MAP1S: variants seen among roughly 807,000 people sequenced by gnomAD.
The protein encoded by MAP1S is microtubule associated protein 1S.
In MAP1S, 27 loss-of-function variants were observed where a neutral mutation model predicts 60.9. That is an observed-to-expected ratio of 0.44 (90% confidence interval 0.33 to 0.61). The LOEUF (loss-of-function observed/expected upper bound fraction) is 0.61, where lower values mean the gene tolerates loss of function less well. MAP1S is among the 20% of genes least tolerant of loss of function. The pLI is 0.03. For missense variants in MAP1S, 1,608 were observed against 1,486.6 expected (o/e 1.08, Z -1.34); for synonymous variants, 826 against 694.2 (o/e 1.19, Z -2.98).
chr19:17,720,878 T>C lies in MAP1S; in HGVS notation c.119-58T>C, dbSNP rs112128027. ...ACCCACGGGGTGCTAATTATTGAAA[T>C]ATTCTGGGAGCTGGGGGGCCCGGCT... On this transcript the variant is annotated intron_variant, in intron 1 of 6. Coordinates refer to ENST00000324096, the MANE Select transcript of MAP1S (RefSeq NM_018174.6). 5.2e-6 allele frequency: 7 copies of C among 1,337,062 alleles called. No individual in the cohort carries two copies. The African/African-American group carries it at 5.8e-5, about 11-fold the overall frequency. The allele number at this position is 1,337,062 out of a possible 1,614,324, so 82.8% of individuals were successfully genotyped here. A position where few individuals can be genotyped will look rare whatever the true frequency, so the allele number is the denominator to read the frequency against.
In MAP1S at chr19:17,726,943, A is replaced by G; in HGVS notation, c.1559A>G (p.Lys520Arg). 1.3e-6 allele frequency: 2 copies of G among 1,572,346 alleles called. No individual in the cohort carries two copies. The highest frequency in any genetic ancestry group is 1.7e-6 in the Non-Finnish European group (2 of 1,159,580). ...CCACGCAAGACTGAGAAAGAAGCCA[A>G]GACCCCCCGGGAGTTGAAGAAAGAC... is the stretch of plus-strand genomic sequence containing the variant. ...EAPRKTEKEA[K>R]TPRELKKDPK... Residue 520 changes from lysine (K) to arginine (R), a missense_variant, in exon 5 of 7, where the codon AAG becomes AGG. Lys to Arg is a conservative substitution (Grantham distance 26). Coordinates refer to ENST00000324096, the MANE Select transcript of MAP1S (RefSeq NM_018174.6).
chr19:17,723,223 C>T (rs2080386930), intron 2 of MAP1S, among the ~76,000 whole-genome samples: 1 of 152,196 alleles, frequency 6.6e-6, no homozygotes. Flanking sequence ...CTCATTGGCC[C>T]TCCTCGAGCT....
Position 17,724,908 on chromosome 19 carries a change from G to T in MAP1S, c.304-141G>T, listed in dbSNP as rs551464513. On this transcript the variant is annotated intron_variant, in intron 3 of 6. Transcript: ENST00000324096. ...AGCAGGAGACCTGGAGACTGCCTTCGTAGCTAGTTGAGCACTGGGCTGGTC... is the reference window on the plus strand; with the variant it reads ...AGCAGGAGACCTGGAGACTGCCTTCTTAGCTAGTTGAGCACTGGGCTGGTC... 1.2e-4 allele frequency: 125 copies of T among 1,016,820 alleles called. 1 individual carries two copies. The highest frequency in any genetic ancestry group is 9.8e-4 in the South Asian group (70 of 71,740). The allele number at this position is 1,016,820 out of a possible 1,614,324, so 63.0% of individuals were successfully genotyped here. A position where few individuals can be genotyped will look rare whatever the true frequency, so the allele number is the denominator to read the frequency against.
chr19:17,726,401 C>T lies in MAP1S; in HGVS notation c.1017C>T (p.Phe339=), dbSNP rs971274053. The change falls in exon 5 of 7, where the codon TTC becomes TTT. Residue 339 remains phenylalanine (F), a synonymous_variant. Transcript: ENST00000324096. ...CCCCCAACCTGGGGGTCGTGTTCTT[C>T]AACGCCTGCGAGGCCGCGTCGCGGC... is the stretch of plus-strand genomic sequence containing the variant. ...LISPNLGVVF[F]NACEAASRLA... is the part of the protein sequence containing the mutation. 1.9e-6 allele frequency: 3 copies of T among 1,583,752 alleles called. No homozygotes were observed. The highest frequency in any genetic ancestry group is 2.7e-5 in the African/African-American group (2 of 74,738).
At chr19:17,721,734 C>G (rs1046549180) in intron 2 of MAP1S, among the ~76,000 whole-genome samples, 1 of 152,132 alleles carries the variant, frequency 6.6e-6, no homozygotes, top group Non-Finnish European at 1.5e-5. Context: ...TGAGCAGGCC[C>G]TGGAAGATGG....
intron 1 of MAP1S, chr19:17,720,449 C>T (rs973925977): frequency 5.9e-6 from 9 of 1,533,528 alleles, no homozygotes; most frequent in East Asian, 2.4e-5. Context: ...TGGGGATGGA[C>T]CCAAAGCGAG....
At chr19:17,734,248 C>CCA in intron 6 of MAP1S, 25 bp from the exon 7 acceptor site, 1 of 1,601,910 alleles carries the variant, frequency 6.2e-7, no homozygotes, top group Non-Finnish European at 8.5e-7. Context: ...TCCACTCTCC[C>CCA]CACACACCCC....
chr19:17,720,553 G>A (rs750466831), intron 1 of MAP1S: 48 of 1,445,222 alleles, frequency 3.3e-5, no homozygotes, highest in Middle Eastern at 4.1e-4. Flanking sequence ...AGCACCCGAA[G>A]GTGCTGAGGG....
rs750936697 is a variant in MAP1S, at chr19:17,727,325, C to G, written c.1941C>G (p.Pro647=). Residue 647 remains proline, a synonymous_variant, in exon 5 of 7, where the codon CCC becomes CCG. Transcript: ENST00000324096. The surrounding 1 kb of genome is among the most constrained non-coding windows in gnomAD (Gnocchi z 4.1). ...CCTCCCCTGAGTCCCACCGGAGCCC[C>G]GCAGAGGGCAGCGAGCGGCTGTCGC... ...RTPSPESHRS[P]AEGSERLSLS... 7 of 1,591,660 alleles carry G rather than the reference C, an allele frequency of 4.4e-6. No individual in the cohort carries two copies. The highest frequency in any genetic ancestry group is 2.6e-6 in the Non-Finnish European group (3 of 1,173,398).
rs1254218729 is a variant in MAP1S at position 17,727,037 on chromosome 19, CAAG to C, written c.1658_1660del (p.Lys553del). 22 of 1,605,358 alleles carry C rather than the reference CAAG, an allele frequency of 1.4e-5. No homozygotes were observed. Among genetic ancestry groups the C allele is most frequent in the Non-Finnish European group, 1.9e-5 (22 of 1,177,012 alleles). On this transcript the variant is annotated inframe_deletion, in exon 5 of 7. Coordinates refer to ENST00000324096, the MANE Select transcript of MAP1S (RefSeq NM_018174.6). This position sits in a 1 kb window ranked among gnomAD's most constrained non-coding sequence, Gnocchi z 4.1. ...GGGCAGCCTCTTCTGTGCCCAACCTCAAGAAGACGAATGCCCAGGCGGCACCCA... is the reference window on the plus strand; with the variant it reads ...GGGCAGCCTCTTCTGTGCCCAACCTCAAGACGAATGCCCAGGCGGCACCCA...
At chr19:17,728,233 C>T (rs1260377592) in intron 5 of MAP1S, 61 bp downstream of exon 5, 17 of 1,476,616 alleles carry the variant, frequency 1.2e-5, no homozygotes, top group African/African-American at 4.2e-5. Flanking sequence ...GAGAGCATAG[C>T]TCGTCCCCCT....
intron 6 of MAP1S, among the ~76,000 whole-genome samples, 160 bp from the exon 7 acceptor site, chr19:17,734,113 C>T (rs755581202): frequency 2.0e-5 from 3 of 152,144 alleles, no homozygotes; most frequent in Non-Finnish European, 4.4e-5. Context: ...GGCTGACCAC[C>T]CATTGCAGAC....
intron 2 of MAP1S, among the ~76,000 whole-genome samples, chr19:17,722,009 G>A (rs1179157830): frequency 6.6e-6 from 1 of 152,178 alleles, no homozygotes; most frequent in Non-Finnish European, 1.5e-5. Flanking sequence ...TAGTCTCATT[G>A]TCCCAGTTGG....
intron 1 of MAP1S, 195 bp from the exon 2 acceptor site, chr19:17,720,741 A>G: frequency 1.6e-6 from 1 of 624,910 alleles, no homozygotes; most frequent in Admixed American, 2.9e-5. Flanking sequence ...TTGTGTGTAA[A>G]ATGATGAGGT....
chr19:17,726,258 C>T lies in MAP1S; in HGVS notation c.874C>T (p.His292Tyr). 1 of 1,606,926 alleles carries T rather than the reference C, an allele frequency of 6.2e-7. No homozygotes were observed. The highest frequency in any genetic ancestry group is 1.1e-5 in the South Asian group (1 of 89,942). Residue 292 changes from histidine to tyrosine, a missense_variant, in exon 5 of 7, where the codon CAC becomes TAC. Transcript: ENST00000324096. ...CCGCGTGGATGCCGTGCTGGTGACC[C>T]ACCCTGGCGCCGACAGCCTCCCCGG... ...LDRVDAVLVT[H>Y]PGADSLPGLN...
chr19:17,721,059 C>T (rs759579949), intron 2 of MAP1S, 22 bp downstream of exon 2: 1 of 1,589,286 alleles, frequency 6.3e-7, no homozygotes, highest in East Asian at 2.2e-5. Context: ...GTCCCCCTGA[C>T]TGCTCCCTAC....
intron 3 of MAP1S, 68 bp from the exon 4 acceptor site, chr19:17,724,981 C>CATA (rs1656692810): frequency 1.2e-6 from 2 of 1,604,922 alleles, no homozygotes; most frequent in East Asian, 4.5e-5. Flanking sequence ...CTCGAGGCTA[C>CATA]CCCAAAGAGG....
chr19:17,724,621 C>T (rs778108285), intron 3 of MAP1S, among the ~76,000 whole-genome samples: 2 of 152,178 alleles, frequency 1.3e-5, no homozygotes, highest in Non-Finnish European at 2.9e-5. Flanking sequence ...CCAGACAGAG[C>T]CCTGGGGCAT....
At position 17,727,288 on chromosome 19, in the gene MAP1S, G is replaced by C. The variant is rs893543188; in HGVS notation, c.1904G>C (p.Arg635Thr). 2 of 1,588,062 alleles carry C rather than the reference G, an allele frequency of 1.3e-6. No homozygotes were observed. Among genetic ancestry groups the C allele is most frequent in the Non-Finnish European group, 1.7e-6 (2 of 1,172,612 alleles). The change falls in exon 5 of 7, where the codon AGG becomes ACG. Residue 635 changes from arginine to threonine, a missense_variant. This residue lies in a region of MAP1S where 1,167 missense variants were observed against 961.4 expected (regional missense o/e 1.21). Coordinates refer to ENST00000324096, the MANE Select transcript of MAP1S (RefSeq NM_018174.6). This position sits in a 1 kb window ranked among gnomAD's most constrained non-coding sequence, Gnocchi z 4.1. ...ELPLAASSIP[R>T]PRTPSPESHR... The stretch of plus-strand genomic sequence containing the variant: ...CCTTTGGCCGCCAGCTCAATCCCAA[G>C]GCCACGCACACCCTCCCCTGAGTCC...
Sources: gnomAD v4.1 joint callset for allele counts (sites outside exome capture counted in the v4.1 genomes callset) on GRCh38, gnomAD v4.1.1 for gene constraint, gnomAD v4.1.1 regional missense constraint, Gnocchi (gnomAD v3.1) non-coding constraint, MANE v1.5 for transcripts, NCBI Gene and HGNC (gene_info 2026-07-23, HGNC 2026-07-21) for gene names.